KIAA1958: variants seen among roughly 807,000 people sequenced by gnomAD.
The protein encoded by KIAA1958 is uncharacterized protein KIAA1958.
KIAA1958 carries 14 observed loss-of-function variants against 47.2 expected under a neutral mutation model. The ratio of observed to expected loss-of-function variants is 0.30; its 90% CI spans 0.20 to 0.46. The LOEUF (loss-of-function observed/expected upper bound fraction) is 0.46. KIAA1958 is among the 20% of genes least tolerant of loss of function. The pLI, the probability that KIAA1958 is intolerant of heterozygous loss-of-function variation, is 1.00. For missense variants in KIAA1958, 803 were observed against 909.2 expected, an observed-to-expected ratio of 0.88 and a Z score of 1.50; for synonymous variants, 354 against 353.3, an observed-to-expected ratio of 1.00 and a Z score of -0.02.
At chr9:112,533,836 C>T (rs1226410687) in intron 1 of KIAA1958, among the ~76,000 whole-genome samples, 1 of 152,006 alleles carries the variant, frequency 6.6e-6, no homozygotes, top group African/African-American at 2.4e-5. Flanking sequence ...CTGGTTCTGC[C>T]CTTGACACGT....
intron 2 of KIAA1958, among the ~76,000 whole-genome samples, chr9:112,604,145 ATTAAAT>A (rs1490280349): frequency 6.6e-6 from 1 of 152,220 alleles, no homozygotes; most frequent in Non-Finnish European, 1.5e-5. Flanking sequence ...ATCTCCCCAA[ATTAAAT>A]GAGAACATAA....
At chr9:112,658,209 A>G (rs1837186700) in intron 3 of KIAA1958, among the ~76,000 whole-genome samples, 2 of 152,194 alleles carry the variant, frequency 1.3e-5, no homozygotes. Context: ...GGCTCATTAA[A>G]CCACAGCTAT....
intron 1 of KIAA1958, among the ~76,000 whole-genome samples, chr9:112,503,572 A>T (rs1411888537): frequency 1.4e-5 from 2 of 147,422 alleles, no homozygotes; most frequent in East Asian, 2.0e-4. Context: ...AGCTGTGTTC[A>T]TACCACTGTA....
chr9:112,492,604 C>G (rs1833987997), intron 1 of KIAA1958, among the ~76,000 whole-genome samples: 1 of 152,178 alleles, frequency 6.6e-6, no homozygotes, highest in African/African-American at 2.4e-5. Context: ...GGCAATTTTT[C>G]ACTTGAATCC....
chr9:112,539,436 CTACATAT>C (rs1047177219), intron 1 of KIAA1958, among the ~76,000 whole-genome samples: 11 of 152,154 alleles, frequency 7.2e-5, no homozygotes, highest in African/African-American at 2.7e-4. Flanking sequence ...TTATAAAAGA[CTACATAT>C]TTCATTTTCA....
At chr9:112,525,226 T>G (rs185754293) in intron 1 of KIAA1958, among the ~76,000 whole-genome samples, 1 of 152,226 alleles carries the variant, frequency 6.6e-6, no homozygotes, top group Non-Finnish European at 1.5e-5. Context: ...GATGGTTGCA[T>G]CAATGAACGT....
chr9:112,639,905 G>T (rs1359443507), intron 2 of KIAA1958, among the ~76,000 whole-genome samples: 1 of 152,296 alleles, frequency 6.6e-6, no homozygotes, highest in East Asian at 1.9e-4. Context: ...AAAAAGGAAA[G>T]AATTCTAGAA....
intron 2 of KIAA1958, among the ~76,000 whole-genome samples, chr9:112,601,082 T>C (rs1230525869): frequency 6.6e-6 from 1 of 152,212 alleles, no homozygotes; most frequent in African/African-American, 2.4e-5. Flanking sequence ...ATGCTACCTG[T>C]GTCAGGTACC....
rs569420995 is a variant in KIAA1958, at chr9:112,533,072, G to A, written c.-24-40985G>A. 2.0e-5 allele frequency among the ~76,000 whole-genome samples: 3 copies of A among 151,710 alleles called. No homozygotes were observed. In the East Asian group the frequency reaches 5.8e-4, roughly 29 times the overall value. On this transcript the variant is annotated intron_variant, in intron 1 of 3. Transcript: ENST00000337530. ...CTTACCTTCCTCCCCCCAAATTTAA[G>A]TATACCCTTCCAGATTTATAAAATA...
chr9:112,629,730 TG>T (rs1836677128), intron 2 of KIAA1958, among the ~76,000 whole-genome samples: 1 of 152,254 alleles, frequency 6.6e-6, no homozygotes, highest in Non-Finnish European at 1.5e-5. Context: ...GTATAATGTT[TG>T]CCTCTGATGT....
chr9:112,550,532 CAGAA>C (rs1216667013), intron 1 of KIAA1958, among the ~76,000 whole-genome samples: 1 of 152,154 alleles, frequency 6.6e-6, no homozygotes, highest in Non-Finnish European at 1.5e-5. Flanking sequence ...TCACAGAACT[CAGAA>C]AGCTGTTTAT....
intron 1 of KIAA1958, among the ~76,000 whole-genome samples, chr9:112,573,392 T>G (rs1835572722): frequency 6.6e-6 from 1 of 152,112 alleles, no homozygotes; most frequent in South Asian, 2.1e-4. Flanking sequence ...CATCCTTGCT[T>G]CTTTGGTCTA....
At chr9:112,602,894 T>C (rs535577692) in intron 2 of KIAA1958, among the ~76,000 whole-genome samples, 4 of 152,222 alleles carry the variant, frequency 2.6e-5, no homozygotes, top group Non-Finnish European at 5.9e-5. Flanking sequence ...TCAGTATGGT[T>C]GGTCTGAAGT....
At chr9:112,598,875 G>C (rs1045285412) in intron 2 of KIAA1958, among the ~76,000 whole-genome samples, 2 of 152,016 alleles carry the variant, frequency 1.3e-5, no homozygotes, top group African/African-American at 4.8e-5. Context: ...CCAGGAGTTT[G>C]AGACCATCCC....
intron 2 of KIAA1958, among the ~76,000 whole-genome samples, chr9:112,636,277 A>G (rs1308455411): frequency 2.0e-5 from 3 of 151,898 alleles, no homozygotes; most frequent in South Asian, 2.1e-4. Context: ...TAATCCTTTG[A>G]AAAGTTGAGA....
At chr9:112,553,876 A>G (rs12005204) in intron 1 of KIAA1958, among the ~76,000 whole-genome samples, 3,124 of 152,322 alleles carry the variant, frequency 0.021, 119 homozygotes, top group African/African-American at 0.07. Flanking sequence ...ACAAGGCCTG[A>G]TAAGTGTTCA....
intron 2 of KIAA1958, among the ~76,000 whole-genome samples, chr9:112,584,888 G>A (rs569016720): frequency 1.3e-5 from 2 of 152,264 alleles, no homozygotes; most frequent in South Asian, 2.1e-4. Flanking sequence ...TCCCCGCCCC[G>A]CCTTTGCCTG....
At chr9:112,537,490 C>T (rs1213400345) in intron 1 of KIAA1958, among the ~76,000 whole-genome samples, 1 of 152,140 alleles carries the variant, frequency 6.6e-6, no homozygotes, top group Non-Finnish European at 1.5e-5. Flanking sequence ...CTAAGATAGA[C>T]AACCAAATAG....
intron 2 of KIAA1958, among the ~76,000 whole-genome samples, chr9:112,582,831 C>T (rs1195548168): frequency 6.6e-6 from 1 of 151,902 alleles, no homozygotes; most frequent in Admixed American, 6.6e-5. Flanking sequence ...CTATGAAGGG[C>T]GGAGGGAAGG....
Sources: allele counts gnomAD v4.1 joint callset (sites outside exome capture counted in the v4.1 genomes callset), GRCh38; gene constraint gnomAD v4.1.1; transcripts MANE v1.5; gene names NCBI Gene and HGNC (gene_info 2026-07-23, HGNC 2026-07-21).